The following CPD variants were observed in gnomAD, a reference collection of about 807,000 sequenced individuals.
CPD encodes carboxypeptidase D, also known as metallocarboxypeptidase D.
CPD carries 69 observed loss-of-function variants against 138.3 expected under a neutral mutation model. The ratio of observed to expected loss-of-function variants is 0.50; its 90% CI spans 0.41 to 0.61. The LOEUF (loss-of-function observed/expected upper bound fraction) is 0.61. Ranked by LOEUF, CPD falls within the 20% of genes least tolerant of loss-of-function variation. The pLI, the probability that CPD is intolerant of heterozygous loss-of-function variation, is 0.00. For synonymous variants in CPD, 651 were observed against 642.1 expected (o/e 1.01, Z -0.21); for missense variants, 1,432 against 1,733.3 (o/e 0.83, Z 3.09).
rs1913010098 is a variant in CPD, at chr17:30,445,761, C to A, written c.2614C>A (p.Arg872=). The part of the protein sequence containing the change: ...GAIQVNFTLV[R]SSTDSNNESK... The stretch of plus-strand genomic sequence containing the variant: ...TATTCAGGTCAACTTCACACTTGTT[C>A]GATCCTCAACAGATTCAAACAATGA... The change falls in exon 12 of 21, where the codon CGA becomes AGA. Residue 872 remains arginine, a synonymous_variant. Coordinates refer to ENST00000225719, the MANE Select transcript of CPD (RefSeq NM_001304.5). The A allele has an allele frequency of 6.2e-7, 1 of 1,613,672 alleles. No individual in the cohort carries two copies. The highest frequency in any genetic ancestry group is 8.5e-7 in the Non-Finnish European group (1 of 1,179,858).
At chr17:30,380,904 G>A (rs1315504724) in intron 1 of CPD, among the ~76,000 whole-genome samples, 1 of 152,184 alleles carries the variant, frequency 6.6e-6, no homozygotes, top group African/African-American at 2.4e-5. Context: ...TAAGGCTTTT[G>A]AAGCAATAAC....
intron 12 of CPD, among the ~76,000 whole-genome samples, chr17:30,446,862 G>T (rs1913044494): frequency 6.6e-6 from 1 of 152,112 alleles, no homozygotes; most frequent in Non-Finnish European, 1.5e-5. Context: ...TTTAATGATT[G>T]CTATTCTAAC....
intron 7 of CPD, among the ~76,000 whole-genome samples, chr17:30,430,388 A>G (rs1567876873): frequency 6.6e-6 from 1 of 152,144 alleles, no homozygotes; most frequent in Non-Finnish European, 1.5e-5. Flanking sequence ...ATCCTATAAC[A>G]TGTGACCTTT....
intron 17 of CPD, among the ~76,000 whole-genome samples, chr17:30,460,839 GT>G (rs1019929538): frequency 3.9e-5 from 6 of 152,174 alleles, no homozygotes; most frequent in Admixed American, 1.3e-4. Context: ...ACATTTCTGG[GT>G]TTTGAGGGAA....
At chr17:30,398,957 G>T (rs1316723461) in intron 2 of CPD, among the ~76,000 whole-genome samples, 1 of 151,578 alleles carries the variant, frequency 6.6e-6, no homozygotes. Context: ...TTTGTCTTAT[G>T]AAATAAAAAT....
chr17:30,385,354 T>A, intron 2 of CPD, 118 bp downstream of exon 2: 8 of 1,266,014 alleles, frequency 6.3e-6, no homozygotes, highest in Non-Finnish European at 7.5e-6. Flanking sequence ...ATATTTATTT[T>A]TATTTTGAAA....
chr17:30,460,545 A>G (rs181090804), intron 17 of CPD, among the ~76,000 whole-genome samples: 30 of 152,326 alleles, frequency 2.0e-4, no homozygotes, highest in East Asian at 1.4e-3. Context: ...AATTGACAAG[A>G]TTCAGCAAAT....
intron 15 of CPD, chr17:30,455,674 T>A: frequency 2.0e-6 from 1 of 505,544 alleles, no homozygotes. Flanking sequence ...CTTTATTGAG[T>A]CTAGCTATCT....
At chr17:30,462,124 A>G (rs1913492995) in intron 19 of CPD, 62 bp downstream of exon 19, 1 of 1,402,280 alleles carries the variant, frequency 7.1e-7, no homozygotes, top group African/African-American at 1.5e-5. Flanking sequence ...CTTCTGTTTT[A>G]TTTTGAAACT....
At chr17:30,423,107 G>A (rs765632142) in intron 5 of CPD, 84 bp downstream of exon 5, 12 of 1,078,454 alleles carry the variant, frequency 1.1e-5, no homozygotes, top group African/African-American at 4.8e-5. Flanking sequence ...CAGAAAGGTC[G>A]CCTACAGTTT....
Position 30,379,301 on chromosome 17 carries a change from C to A in CPD, c.321C>A (p.Ile107=). 1.3e-6 allele frequency: 2 copies of A among 1,502,856 alleles called. No homozygotes were observed. The highest frequency in any genetic ancestry group is 2.1e-5 in the Admixed American group (1 of 47,246). 93.1% of individuals were successfully genotyped at this position (1,502,856 alleles called of 1,614,324 possible). ...LRLTAGLGSL[I]PEGDAGPDAA... ...TCACCGCCGGCCTGGGGTCGCTAATCCCTGAGGGCGACGCGGGGCCTGACG... is the reference window on the plus strand; with the variant it reads ...TCACCGCCGGCCTGGGGTCGCTAATACCTGAGGGCGACGCGGGGCCTGACG... Residue 107 remains isoleucine, a synonymous_variant, in exon 1 of 21, where the codon ATC becomes ATA. Coordinates refer to ENST00000225719, the MANE Select transcript of CPD (RefSeq NM_001304.5). The surrounding 1 kb of genome is among the most constrained non-coding windows in gnomAD (Gnocchi z 7.0).
At chr17:30,401,373 TC>T (rs1911661146) in intron 2 of CPD, among the ~76,000 whole-genome samples, 2 of 151,442 alleles carry the variant, frequency 1.3e-5, no homozygotes, top group Non-Finnish European at 2.9e-5. Context: ...CTCCTCTTCC[TC>T]TTCTTCCTCC....
chr17:30,378,950 G>C lies in CPD; in HGVS notation c.-31G>C, dbSNP rs771454408. 2.0e-5 allele frequency: 28 copies of C among 1,431,092 alleles called. No homozygotes were observed. The African/African-American group carries it at 4.2e-4, about 22-fold the overall frequency. The allele number at this position is 1,431,092 out of a possible 1,614,324, so 88.6% of individuals were successfully genotyped here. On this transcript the variant is annotated 5_prime_UTR_variant, in exon 1 of 21. Transcript: ENST00000225719. ...CCGCCCGGAGCGCTGAGCCGCGGGA[G>C]CGGAGCCGGGGTTAGCGGCGCTGCT... is the stretch of plus-strand genomic sequence containing the variant.
chr17:30,429,620 A>G (rs907483470), intron 7 of CPD, among the ~76,000 whole-genome samples: 2 of 152,206 alleles, frequency 1.3e-5, no homozygotes, highest in Non-Finnish European at 2.9e-5. Flanking sequence ...TGATGTTTGT[A>G]TGTGGCACAG....
intron 1 of CPD, among the ~76,000 whole-genome samples, chr17:30,383,824 C>G (rs759778266): frequency 2.0e-5 from 3 of 151,800 alleles, no homozygotes; most frequent in Non-Finnish European, 4.4e-5. Flanking sequence ...AAGGCAGAAG[C>G]AAGAAAATCC....
chr17:30,391,132 C>CTTT (rs5819898), intron 2 of CPD, among the ~76,000 whole-genome samples: 3 of 114,818 alleles, frequency 2.6e-5, no homozygotes, highest in Non-Finnish European at 3.6e-5. Flanking sequence ...GCCTGGCCGC[C>CTTT]TTTTTTTTTT....
intron 11 of CPD, among the ~76,000 whole-genome samples, chr17:30,444,373 T>TG (rs1912968768): frequency 6.6e-6 from 1 of 152,080 alleles, no homozygotes; most frequent in African/African-American, 2.4e-5. Flanking sequence ...TCAAGATAGT[T>TG]TTTCCTTTAA....
At position 30,464,604 on chromosome 17, in the gene CPD, A is replaced by G. The variant is rs1487207184; in HGVS notation, c.3933A>G (p.Ala1311=). 1.2e-6 allele frequency: 2 copies of G among 1,613,750 alleles called. No homozygotes were observed. The highest frequency in any genetic ancestry group is 3.3e-5 in the Admixed American group (2 of 60,018). The change falls in exon 21 of 21, where the codon GCA becomes GCG. Residue 1311 remains alanine (A), a synonymous_variant. Coordinates refer to ENST00000225719, the MANE Select transcript of CPD (RefSeq NM_001304.5). ...GTTTGTCAGGTGCTACTATGTCGGC[A>G]TTGATCCTAACAGCTTGCATTATTT... ...VVTVSGATMS[A]LILTACIIWC...
chr17:30,406,536 T>A (rs1385175159), intron 2 of CPD, among the ~76,000 whole-genome samples: 1 of 152,182 alleles, frequency 6.6e-6, no homozygotes, highest in African/African-American at 2.4e-5. Context: ...AAAACCTGAT[T>A]AGGTAACACT....
Sources: gnomAD v4.1 joint callset for allele counts (sites outside exome capture counted in the v4.1 genomes callset) on GRCh38, gnomAD v4.1.1 for gene constraint, Gnocchi (gnomAD v3.1) non-coding constraint, MANE v1.5 for transcripts, NCBI Gene and HGNC (gene_info 2026-07-23, HGNC 2026-07-21) for gene names.